FBXL13: variants seen among roughly 807,000 people sequenced by gnomAD.
FBXL13 encodes F-box and leucine rich repeat protein 13.
In FBXL13, 67 loss-of-function variants were observed where a neutral mutation model predicts 83.6. The ratio of observed to expected loss-of-function variants is 0.80; its 90% CI spans 0.66 to 0.98. The LOEUF (loss-of-function observed/expected upper bound fraction) is 0.98. FBXL13 is among the 50% of genes least tolerant of loss of function. The pLI, the probability that FBXL13 is intolerant of heterozygous loss-of-function variation, is 0.00. For synonymous variants in FBXL13, 272 were observed against 299.5 expected (o/e 0.91, Z 0.95); for missense variants, 822 against 866.5 (o/e 0.95, Z 0.64).
At chr7:102,972,797 TAATA>T (rs1554486365) in intron 6 of FBXL13, among the ~76,000 whole-genome samples, 1 of 151,954 alleles carries the variant, frequency 6.6e-6, no homozygotes, top group Non-Finnish European at 1.5e-5. Flanking sequence ...TCAATAATCA[TAATA>T]AATTTAACAA....
chr7:103,040,107 C>G (rs1307226340), intron 2 of FBXL13, among the ~76,000 whole-genome samples: 1 of 150,788 alleles, frequency 6.6e-6, no homozygotes, highest in African/African-American at 2.4e-5. Flanking sequence ...CACATAAGCT[C>G]AAAATAAAGG....
intron 6 of FBXL13, among the ~76,000 whole-genome samples, chr7:102,979,809 A>G (rs1827963212): frequency 6.6e-6 from 1 of 152,212 alleles, no homozygotes; most frequent in South Asian, 2.1e-4. Flanking sequence ...AGCATACTGA[A>G]AATTACAAAA....
exon 20 of FBXL13, chr7:102,813,482 T>C: frequency 1.2e-6 from 2 of 1,614,172 alleles, no homozygotes; most frequent in Non-Finnish European, 1.7e-6. Flanking sequence ...GGGTCATTAG[T>C]GTTGTATTCC....
At chr7:103,018,153 G>C (rs1170254322) in intron 6 of FBXL13, among the ~76,000 whole-genome samples, 5 of 152,232 alleles carry the variant, frequency 3.3e-5, no homozygotes, top group South Asian at 4.1e-4. Flanking sequence ...AGCCAGAAGA[G>C]AGTGGGGGCC....
intron 18 of FBXL13, among the ~76,000 whole-genome samples, chr7:102,823,836 T>G (rs891767652): frequency 4.6e-5 from 7 of 152,230 alleles, no homozygotes; most frequent in African/African-American, 1.7e-4. Flanking sequence ...CTAAACACGC[T>G]TTGTTTCCGG....
chr7:102,868,036 A>G (rs970349186), intron 16 of FBXL13, among the ~76,000 whole-genome samples: 3 of 151,998 alleles, frequency 2.0e-5, no homozygotes, highest in East Asian at 3.9e-4. Context: ...TACTGACACA[A>G]AGTAATTGTG....
At chr7:102,962,863 G>A (rs1211734673) in intron 8 of FBXL13, among the ~76,000 whole-genome samples, 6 of 151,588 alleles carry the variant, frequency 4.0e-5, no homozygotes, top group South Asian at 4.2e-4. Flanking sequence ...GGATAGCATC[G>A]GGAGACATAC....
At chr7:103,011,639 A>G (rs1365446269) in intron 6 of FBXL13, among the ~76,000 whole-genome samples, 1 of 147,376 alleles carries the variant, frequency 6.8e-6, no homozygotes, top group African/African-American at 2.5e-5. Context: ...CTCTGTCTCA[A>G]AAAAAAAAAA....
intron 17 of FBXL13, among the ~76,000 whole-genome samples, chr7:102,842,458 T>G (rs577192885): frequency 1.3e-5 from 2 of 152,356 alleles, no homozygotes; most frequent in Admixed American, 1.3e-4. Flanking sequence ...CAACTTTGGT[T>G]GAGCACCAGG....
intron 2 of FBXL13, among the ~76,000 whole-genome samples, chr7:103,033,661 T>C (rs1794761853): frequency 6.6e-6 from 1 of 152,132 alleles, no homozygotes. Flanking sequence ...GGAGTGAAGC[T>C]GCAGACCTTC....
intron 18 of FBXL13, among the ~76,000 whole-genome samples, chr7:102,827,774 G>A (rs1480720915): frequency 1.3e-5 from 2 of 152,042 alleles, no homozygotes; most frequent in Admixed American, 1.3e-4. Context: ...AGAACATGCA[G>A]TGTTTGGTTT....
chr7:102,971,215 C>T (rs1367698903), intron 6 of FBXL13, among the ~76,000 whole-genome samples: 2 of 152,222 alleles, frequency 1.3e-5, no homozygotes, highest in South Asian at 4.1e-4. Context: ...AAGACTGTCA[C>T]GTAGACAGAA....
intron 2 of FBXL13, among the ~76,000 whole-genome samples, chr7:103,044,582 T>A (rs1796081646): frequency 6.6e-6 from 1 of 152,214 alleles, no homozygotes; most frequent in African/African-American, 2.4e-5. Flanking sequence ...GAAGAGAGAA[T>A]AAATTAACAA....
At chr7:103,033,331 G>A (rs1794715935) in intron 2 of FBXL13, among the ~76,000 whole-genome samples, 1 of 152,202 alleles carries the variant, frequency 6.6e-6, no homozygotes, top group African/African-American at 2.4e-5. Context: ...CTGCTCCTAT[G>A]AGGCACACAG....
At chr7:102,854,563 T>C (rs903175738) in intron 17 of FBXL13, among the ~76,000 whole-genome samples, 4 of 152,214 alleles carry the variant, frequency 2.6e-5, no homozygotes, top group African/African-American at 9.7e-5. Flanking sequence ...ATACTTTACA[T>C]GTTATAACAA....
chr7:102,973,908 G>GA, intron 6 of FBXL13: 1 of 668,316 alleles, frequency 1.5e-6, no homozygotes, highest in Non-Finnish European at 2.7e-6. Flanking sequence ...GTCTTAGGGG[G>GA]ACGCCTCTAA....
chr7:102,963,003 AT>A (rs1563157151), intron 8 of FBXL13, among the ~76,000 whole-genome samples: 87 of 142,530 alleles, frequency 6.1e-4, no homozygotes, highest in East Asian at 3.9e-3. Flanking sequence ...ATATATATAT[AT>A]ATAAAAAAAA....
At chr7:103,038,246 G>C (rs1380504530) in intron 2 of FBXL13, among the ~76,000 whole-genome samples, 1 of 152,188 alleles carries the variant, frequency 6.6e-6, no homozygotes, top group Non-Finnish European at 1.5e-5. Context: ...CAGATTGGCG[G>C]GGGGAGGGGC....
At chr7:102,906,991 G>C (rs1326477637) in intron 11 of FBXL13, among the ~76,000 whole-genome samples, 2 of 151,196 alleles carry the variant, frequency 1.3e-5, no homozygotes, top group Admixed American at 6.6e-5. Flanking sequence ...TTGGTTTTTT[G>C]AGACTGAGTC....
Sources: allele counts gnomAD v4.1 joint callset (sites outside exome capture counted in the v4.1 genomes callset), GRCh38; gene constraint gnomAD v4.1.1; transcripts MANE v1.5; gene names NCBI Gene and HGNC (gene_info 2026-07-23, HGNC 2026-07-21).